DLG2: variants seen among roughly 807,000 people sequenced by gnomAD.
DLG2 encodes the protein disks large homolog 2.
Under a neutral mutation model 132.5 loss-of-function variants are expected in DLG2, and 45 were observed. The ratio of observed to expected loss-of-function variants is 0.34; its 90% confidence interval spans 0.27 to 0.44. DLG2 has a LOEUF of 0.44. Among genes scored for constraint, DLG2 ranks in the 20% least tolerant of loss-of-function variants. DLG2 has a pLI of 1.00. For missense variants in DLG2, 1,045 were observed against 1,196.9 expected (o/e 0.87, Z 1.87); for synonymous variants, 424 against 419.6 (o/e 1.01, Z -0.13).
chr11:85,020,219 T>A (rs2154139477), intron 6 of DLG2, among the ~76,000 whole-genome samples: 1 of 152,344 alleles, frequency 6.6e-6, no homozygotes, highest in East Asian at 1.9e-4. Flanking sequence ...TGATGGCCAG[T>A]AATGATGAGC....
chr11:84,549,076 G>T (rs1483568610), intron 6 of DLG2, among the ~76,000 whole-genome samples: 1 of 152,128 alleles, frequency 6.6e-6, no homozygotes, highest in Non-Finnish European at 1.5e-5. Flanking sequence ...TCCTGGAAAG[G>T]GTTTATCCAT....
chr11:85,390,122 T>C (rs1046790265), intron 3 of DLG2, among the ~76,000 whole-genome samples: 1 of 151,918 alleles, frequency 6.6e-6, no homozygotes, highest in African/African-American at 2.4e-5. Flanking sequence ...ACCTGACACA[T>C]AACCACTCAC....
intron 6 of DLG2, among the ~76,000 whole-genome samples, chr11:85,024,905 T>A (rs2060385423): frequency 1.3e-5 from 2 of 152,130 alleles, no homozygotes; most frequent in Non-Finnish European, 2.9e-5. Context: ...TCAAAATAAA[T>A]CAAACATCAG....
chr11:83,609,362 A>G (rs17145757), intron 19 of DLG2, among the ~76,000 whole-genome samples: 2,559 of 152,266 alleles, frequency 0.017, 70 homozygotes, highest in African/African-American at 0.058. Context: ...TCTTGGTCCA[A>G]CAGGTTTAGT....
intron 6 of DLG2, among the ~76,000 whole-genome samples, chr11:84,961,185 T>C (rs919339005): frequency 5.9e-4 from 43 of 73,340 alleles, no homozygotes; most frequent in African/African-American, 2.2e-3. Flanking sequence ...GCCCATCACG[T>C]GATCTACACA....
At chr11:83,782,560 T>C (rs2153873027) in intron 18 of DLG2, among the ~76,000 whole-genome samples, 1 of 152,258 alleles carries the variant, frequency 6.6e-6, no homozygotes, top group South Asian at 2.1e-4. Flanking sequence ...GGAATTGACA[T>C]CTGTGGGCTC....
At chr11:83,712,196 A>G (rs2085601969) in intron 18 of DLG2, among the ~76,000 whole-genome samples, 2 of 152,224 alleles carry the variant, frequency 1.3e-5, no homozygotes, top group Non-Finnish European at 2.9e-5. Flanking sequence ...TCTATTATAA[A>G]GATACATGCA....
At chr11:84,254,544 C>G (rs1047426534) in intron 7 of DLG2, among the ~76,000 whole-genome samples, 1 of 152,144 alleles carries the variant, frequency 6.6e-6, no homozygotes, top group Non-Finnish European at 1.5e-5. Flanking sequence ...TATATCTTTA[C>G]GAGCTTTGTA....
chr11:85,262,517 T>C (rs1005747525), intron 4 of DLG2, among the ~76,000 whole-genome samples: 2 of 152,134 alleles, frequency 1.3e-5, no homozygotes, highest in African/African-American at 4.8e-5. Context: ...TCCTCAAACC[T>C]CCATGATTTA....
At chr11:84,947,321 T>A (rs1392217254) in intron 6 of DLG2, among the ~76,000 whole-genome samples, 1 of 152,184 alleles carries the variant, frequency 6.6e-6, no homozygotes. Context: ...CACCACTGCC[T>A]CTTCCCAATA....
intron 8 of DLG2, among the ~76,000 whole-genome samples, chr11:84,215,905 C>A (rs1293174731): frequency 6.6e-6 from 1 of 152,090 alleles, no homozygotes. Flanking sequence ...TAATGAATTC[C>A]AGAAGTAGTG....
At chr11:85,434,780 C>A (rs934168348) in intron 3 of DLG2, among the ~76,000 whole-genome samples, 3 of 152,080 alleles carry the variant, frequency 2.0e-5, no homozygotes, top group South Asian at 2.1e-4. Flanking sequence ...TCAGACTATT[C>A]CAAACAGTTG....
chr11:84,077,279 C>G (rs889804985), intron 10 of DLG2, among the ~76,000 whole-genome samples: 1 of 152,170 alleles, frequency 6.6e-6, no homozygotes, highest in African/African-American at 2.4e-5. Flanking sequence ...AGTTTCCTCA[C>G]AAAGCCCCTA....
intron 7 of DLG2, among the ~76,000 whole-genome samples, chr11:84,332,204 CT>C (rs35166465): frequency 0.011 from 1,506 of 137,188 alleles, 2 homozygotes; most frequent in Non-Finnish European, 0.015. Context: ...TTTGCTTGTC[CT>C]TTTTTTTTTT....
At chr11:84,904,154 T>A (rs1194499197) in intron 6 of DLG2, among the ~76,000 whole-genome samples, 1 of 152,140 alleles carries the variant, frequency 6.6e-6, no homozygotes, top group East Asian at 1.9e-4. Context: ...AGTATAGAAA[T>A]CTTCTAGCAG....
chr11:85,067,138 G>T (rs1354892322), intron 6 of DLG2, among the ~76,000 whole-genome samples: 1 of 151,842 alleles, frequency 6.6e-6, no homozygotes, highest in Non-Finnish European at 1.5e-5. Context: ...TATTTGAGGT[G>T]TTTATAGTAT....
chr11:83,717,610 AGTTG>A (rs1315604179), intron 18 of DLG2, among the ~76,000 whole-genome samples: 9 of 152,254 alleles, frequency 5.9e-5, no homozygotes, highest in Non-Finnish European at 1.0e-4. Context: ...CTGTCACGAC[AGTTG>A]ATTACAGTGT....
chr11:85,020,901 C>T (rs1357744472), intron 6 of DLG2: 4 of 768,628 alleles, frequency 5.2e-6, no homozygotes, highest in Non-Finnish European at 9.7e-6. Flanking sequence ...ATGTGCATCC[C>T]CCTCCTCAGC....
chr11:84,548,460 T>C (rs1456951033), intron 6 of DLG2, among the ~76,000 whole-genome samples: 1 of 130,836 alleles, frequency 7.6e-6, no homozygotes, highest in Non-Finnish European at 1.6e-5. Context: ...GGCCCCGGTG[T>C]GTGATGTTCC....
Sources: allele counts gnomAD v4.1 joint callset (sites outside exome capture counted in the v4.1 genomes callset), GRCh38; gene constraint gnomAD v4.1.1; transcripts MANE v1.5; gene names NCBI Gene and HGNC (gene_info 2026-07-23, HGNC 2026-07-21).